PTPRK: variants seen among roughly 807,000 people sequenced by gnomAD.
PTPRK encodes the protein receptor-type tyrosine-protein phosphatase kappa.
In PTPRK, 75 loss-of-function variants were observed where a neutral mutation model predicts 178.0. The observed-to-expected ratio is 0.42, with a 90% CI of 0.35 to 0.51. The LOEUF (loss-of-function observed/expected upper bound fraction) is 0.51, where lower values mean the gene tolerates loss of function less well. PTPRK is among the 20% of genes least tolerant of loss of function. The pLI is 0.02. For missense variants in PTPRK, 1,441 were observed against 1,797.8 expected (o/e 0.80, Z 3.59); for synonymous variants, 637 against 620.6 (o/e 1.03, Z -0.39).
intron 6 of PTPRK, among the ~76,000 whole-genome samples, chr6:128,198,979 C>T (rs1023460775): frequency 6.6e-6 from 1 of 152,122 alleles, no homozygotes; most frequent in African/African-American, 2.4e-5. Context: ...AAGATAATGT[C>T]AACTGTTGGT....
At chr6:128,451,156 C>A (rs539624714) in intron 1 of PTPRK, among the ~76,000 whole-genome samples, 4 of 152,260 alleles carry the variant, frequency 2.6e-5, no homozygotes, top group African/African-American at 9.6e-5. Context: ...TCTTAAAATA[C>A]TTTGATATTA....
At chr6:128,134,534 A>G (rs1034370018) in intron 7 of PTPRK, among the ~76,000 whole-genome samples, 2 of 152,164 alleles carry the variant, frequency 1.3e-5, no homozygotes, top group Non-Finnish European at 2.9e-5. Context: ...AGAGCCAGGC[A>G]CAGTGGCTCA....
intron 21 of PTPRK, among the ~76,000 whole-genome samples, chr6:127,988,547 C>T (rs1452662126): frequency 6.6e-6 from 1 of 151,196 alleles, no homozygotes; most frequent in Non-Finnish European, 1.5e-5. Flanking sequence ...CTATTTTCTT[C>T]TACCATCTAT....
intron 6 of PTPRK, among the ~76,000 whole-genome samples, chr6:128,210,194 A>G (rs1055103545): frequency 6.6e-6 from 1 of 152,146 alleles, no homozygotes; most frequent in African/African-American, 2.4e-5. Context: ...AATATGAATA[A>G]CGGAATCTAT....
At chr6:128,209,763 G>C (rs1053546687) in intron 6 of PTPRK, among the ~76,000 whole-genome samples, 1 of 152,070 alleles carries the variant, frequency 6.6e-6, no homozygotes, top group Non-Finnish European at 1.5e-5. Flanking sequence ...GAAGGAGCAG[G>C]GTGATTAGAA....
At chr6:128,005,516 ATATAAT>A (rs535245540) in intron 14 of PTPRK, among the ~76,000 whole-genome samples, 233 of 151,176 alleles carry the variant, frequency 1.5e-3, no homozygotes, top group African/African-American at 5.4e-3. Context: ...ATATCATAAA[ATATAAT>A]TATATTTATT....
chr6:128,247,405 T>C (rs768499015), intron 3 of PTPRK, among the ~76,000 whole-genome samples: 4 of 152,126 alleles, frequency 2.6e-5, no homozygotes, highest in Admixed American at 1.3e-4. Flanking sequence ...CCCTAACCTC[T>C]GCCTCCCAGG....
Position 128,071,538 on chromosome 6 carries a change from T to C in PTPRK, c.1884-3746A>G, listed in dbSNP as rs975190381. Among the ~76,000 whole-genome samples the C allele has an allele frequency of 7.9e-5, 12 of 152,192 alleles. 1 individual carries two copies. The highest frequency in any genetic ancestry group is 2.1e-4 in the South Asian group (1 of 4,830). On this transcript the variant is annotated intron_variant, in intron 11 of 29. Transcript: ENST00000368226. ...GCAGCATGCTACCTTTTCAAGATAC[T>C]GAAAATATGAAAAGTATCTTTCCTT...
intron 13 of PTPRK, among the ~76,000 whole-genome samples, chr6:128,012,038 A>G (rs904711428): frequency 1.3e-5 from 2 of 151,306 alleles, no homozygotes; most frequent in Non-Finnish European, 3.0e-5. Context: ...TCTTGTGCCA[A>G]GAGTTGTTCA....
chr6:128,128,336 C>A (rs913294332), intron 7 of PTPRK, among the ~76,000 whole-genome samples: 3 of 152,072 alleles, frequency 2.0e-5, no homozygotes, highest in Non-Finnish European at 2.9e-5. Flanking sequence ...CTCACCCCAC[C>A]CTCCCAGCCT....
intron 5 of PTPRK, chr6:128,235,552 A>G (rs1213283578): frequency 5.9e-6 from 3 of 506,602 alleles, no homozygotes; most frequent in African/African-American, 5.8e-5. Context: ...TCCTTATCCA[A>G]GGTCGCACTT....
intron 1 of PTPRK, among the ~76,000 whole-genome samples, chr6:128,507,227 T>C (rs117776212): frequency 0.016 from 2,419 of 152,286 alleles, 39 homozygotes; most frequent in Non-Finnish European, 0.026. Flanking sequence ...GCATAAAATA[T>C]CAGTGACTCA....
chr6:128,081,598 C>T (rs547532795), intron 10 of PTPRK, among the ~76,000 whole-genome samples: 2 of 151,846 alleles, frequency 1.3e-5, no homozygotes, highest in South Asian at 2.1e-4. Flanking sequence ...CACAAATGAA[C>T]AAAAAGAATT....
chr6:128,213,381 T>C (rs1808604938), intron 6 of PTPRK, among the ~76,000 whole-genome samples: 1 of 152,084 alleles, frequency 6.6e-6, no homozygotes, highest in Non-Finnish European at 1.5e-5. Context: ...ACACATTTGG[T>C]ATCCACTGGC....
At chr6:128,125,436 T>C (rs975557995) in intron 7 of PTPRK, among the ~76,000 whole-genome samples, 2 of 152,020 alleles carry the variant, frequency 1.3e-5, no homozygotes, top group Non-Finnish European at 2.9e-5. Flanking sequence ...TCTGCCATGA[T>C]TGGAAACTTT....
chr6:127,971,802 G>A (rs1195249235), intron 29 of PTPRK, among the ~76,000 whole-genome samples: 1 of 152,102 alleles, frequency 6.6e-6, no homozygotes, highest in Non-Finnish European at 1.5e-5. Context: ...TGATCCCACT[G>A]ATGATTTTAA....
intron 1 of PTPRK, among the ~76,000 whole-genome samples, chr6:128,405,684 T>C (rs578114364): frequency 3.3e-5 from 5 of 152,264 alleles, no homozygotes; most frequent in Admixed American, 2.6e-4. Flanking sequence ...ACTTCACCCA[T>C]ATGAGACACA....
At chr6:128,165,615 A>G (rs1165697589) in intron 7 of PTPRK, among the ~76,000 whole-genome samples, 1 of 151,132 alleles carries the variant, frequency 6.6e-6, no homozygotes, top group Non-Finnish European at 1.5e-5. Flanking sequence ...AAACTTAAAT[A>G]AATATAAAAT....
At chr6:128,441,627 C>T (rs1846295217) in intron 1 of PTPRK, among the ~76,000 whole-genome samples, 1 of 152,226 alleles carries the variant, frequency 6.6e-6, no homozygotes, top group South Asian at 2.1e-4. Flanking sequence ...TACACATAAG[C>T]TTGGGAGTCA....
Sources: allele counts gnomAD v4.1 joint callset (sites outside exome capture counted in the v4.1 genomes callset), GRCh38; gene constraint gnomAD v4.1.1; transcripts MANE v1.5; gene names NCBI Gene and HGNC (gene_info 2026-07-23, HGNC 2026-07-21).